The following CADM2 variants were observed in gnomAD, a reference collection of about 807,000 sequenced individuals.
CADM2 encodes immunoglobulin superfamily member 4D.
A neutral mutation model predicts 49.8 loss-of-function variants in CADM2; 12 were observed. The observed-to-expected ratio is 0.24, with a 90% CI of 0.15 to 0.39. CADM2 has a LOEUF of 0.39. Ranked by LOEUF, CADM2 falls within the 10% of genes least tolerant of loss-of-function variation. The pLI, the probability that CADM2 is intolerant of heterozygous loss-of-function variation, is 1.00. For missense variants in CADM2, 378 were observed against 492.3 expected, an observed-to-expected ratio of 0.77 and a Z score of 2.20; for synonymous variants, 214 against 175.4, an observed-to-expected ratio of 1.22 and a Z score of -1.74.
At chr3:85,872,609 A>G (rs1452078746) in intron 3 of CADM2, among the ~76,000 whole-genome samples, 1 of 151,298 alleles carries the variant, frequency 6.6e-6, no homozygotes, top group Non-Finnish European at 1.5e-5. Context: ...TTTTTGTCCT[A>G]TTCCATCTTA....
chr3:85,057,306 A>ATT (rs147631348), intron 1 of CADM2, among the ~76,000 whole-genome samples: 13 of 150,670 alleles, frequency 8.6e-5, no homozygotes, highest in African/African-American at 3.2e-4. Context: ...CATTTTCAGA[A>ATT]TTTTTTTTTT....
At chr3:85,462,958 A>T (rs993419794) in intron 1 of CADM2, among the ~76,000 whole-genome samples, 1 of 152,104 alleles carries the variant, frequency 6.6e-6, no homozygotes, top group African/African-American at 2.4e-5. Flanking sequence ...CTCTCCTGTG[A>T]CCTGGAAAAC....
intron 1 of CADM2, among the ~76,000 whole-genome samples, chr3:85,487,773 CGTGT>C (rs540245421): frequency 1.3e-5 from 2 of 150,870 alleles, no homozygotes; most frequent in Admixed American, 6.6e-5. Flanking sequence ...TGTGTGCGTG[CGTGT>C]GTGTGTGATG....
At chr3:85,752,356 G>A (rs1378957048) in intron 2 of CADM2, among the ~76,000 whole-genome samples, 1 of 152,036 alleles carries the variant, frequency 6.6e-6, no homozygotes, top group Non-Finnish European at 1.5e-5. Flanking sequence ...GATCAGGGGT[G>A]TGTGGTGTAG....
At position 85,955,203 on chromosome 3, in the gene CADM2, C is replaced by CT. The variant is rs544685669; in HGVS notation, c.792-6258dup. Among the ~76,000 whole-genome samples, 82 of 151,048 alleles carry CT rather than the reference C, an allele frequency of 5.4e-4. 1 individual carries two copies. Among genetic ancestry groups the CT allele is most frequent in the Admixed American group, 4.5e-3 (68 of 15,086 alleles). On this transcript the variant is annotated intron_variant, in intron 7 of 9. Transcript: ENST00000383699. Reference sequence around the variant, plus strand: ...CATTTTTTTCAAATAGGAAAGGTGACTTTTTTTTCATCTAGGAAAAGTAAG... The same window carrying CT: ...CATTTTTTTCAAATAGGAAAGGTGACTTTTTTTTTCATCTAGGAAAAGTAAG...
intron 8 of CADM2, among the ~76,000 whole-genome samples, chr3:86,002,961 A>G (rs1730364242): frequency 6.6e-6 from 1 of 152,296 alleles, no homozygotes; most frequent in South Asian, 2.1e-4. Context: ...AAGCAATGCT[A>G]TGTATTATTT....
chr3:85,764,567 CA>C (rs2069558923), intron 2 of CADM2, among the ~76,000 whole-genome samples: 1 of 151,946 alleles, frequency 6.6e-6, no homozygotes, highest in Non-Finnish European at 1.5e-5. Flanking sequence ...GTTATATAAC[CA>C]AACCTAAAAT....
chr3:85,334,620 C>T (rs2045027067), intron 1 of CADM2, among the ~76,000 whole-genome samples: 1 of 151,408 alleles, frequency 6.6e-6, no homozygotes, highest in South Asian at 2.1e-4. Context: ...CAAAATTTGC[C>T]TAAAACTTAG....
Position 85,531,861 on chromosome 3 carries a change from A to G in CADM2, c.62-194661A>G, listed in dbSNP as rs370689427. 5.3e-5 allele frequency among the ~76,000 whole-genome samples: 8 copies of G among 152,312 alleles called. No individual in the cohort carries two copies. The East Asian group carries it at 7.7e-4, about 15-fold the overall frequency. On this transcript the variant is annotated intron_variant, in intron 1 of 9. Transcript: ENST00000383699. ...CCCATTTCAATGTTTTTTAAATGGTACATGGTTATGTTTTAATATTTAACA... is the reference window on the plus strand; with the variant it reads ...CCCATTTCAATGTTTTTTAAATGGTGCATGGTTATGTTTTAATATTTAACA...
chr3:85,050,937 T>C (rs1442022444), intron 1 of CADM2, among the ~76,000 whole-genome samples: 1 of 152,158 alleles, frequency 6.6e-6, no homozygotes, highest in Non-Finnish European at 1.5e-5. Flanking sequence ...TACTCCTTTC[T>C]TGTGTCAGTT....
At chr3:84,999,551 G>A (rs556143827) in intron 1 of CADM2, among the ~76,000 whole-genome samples, 1 of 152,190 alleles carries the variant, frequency 6.6e-6, no homozygotes, top group East Asian at 1.9e-4. Flanking sequence ...TCTGCATAGA[G>A]CACAAAAAAT....
chr3:85,174,317 T>C (rs1342661741), intron 1 of CADM2, among the ~76,000 whole-genome samples: 1 of 152,148 alleles, frequency 6.6e-6, no homozygotes. Context: ...GTAGTTTAAA[T>C]TGTCAGGTTT....
chr3:85,981,772 T>C (rs553256003), intron 8 of CADM2, among the ~76,000 whole-genome samples: 1 of 151,896 alleles, frequency 6.6e-6, no homozygotes, highest in South Asian at 2.1e-4. Flanking sequence ...GGCATCTAGG[T>C]TGATTCCATG....
intron 1 of CADM2, among the ~76,000 whole-genome samples, chr3:85,134,811 G>T (rs1368099232): frequency 1.1e-4 from 16 of 151,900 alleles, no homozygotes; most frequent in African/African-American, 3.9e-4. Flanking sequence ...TTTAATTATT[G>T]AGAGATTTTA....
At chr3:85,768,871 T>C (rs985378477) in intron 2 of CADM2, among the ~76,000 whole-genome samples, 5 of 10 alleles carry the variant, frequency 0.5, no homozygotes, top group African/African-American at 0.5. Context: ...ATATATAGTA[T>C]ATATACACAT....
rs112942262 is a variant in CADM2, at chr3:85,212,993, G to A, written c.61+253325G>A. 7.6e-3 allele frequency among the ~76,000 whole-genome samples: 1,152 copies of A among 151,560 alleles called. 19 individuals are homozygous for A. The highest frequency in any genetic ancestry group is 0.027 in the African/African-American group (1,116 of 41,326). On this transcript the variant is annotated intron_variant, in intron 1 of 9. Transcript: ENST00000383699. ...CCTCCTGGGTTCAAGGGCTTCTCCT[G>A]TCTCAGAGACTCCCTAGTAGCTGAG...
intron 1 of CADM2, among the ~76,000 whole-genome samples, chr3:85,021,342 G>A (rs1346975540): frequency 6.6e-6 from 1 of 152,160 alleles, no homozygotes; most frequent in African/African-American, 2.4e-5. Flanking sequence ...AAAAGTTAGT[G>A]TAGGTGATTT....
rs376841829 is a variant in CADM2 at position 85,846,866 on chromosome 3, T to C, written c.239-36425T>C. On this transcript the variant is annotated intron_variant, in intron 3 of 9. Transcript: ENST00000383699. ...GACAGAGTAAGATACCATGTCTAAA[T>C]AAATAAATTAAAATATAAGATTTTG... Among the ~76,000 whole-genome samples the C allele has an allele frequency of 1.3e-5, 2 of 152,108 alleles. 1 individual carries two copies. The highest frequency in any genetic ancestry group is 3.9e-4 in the East Asian group (2 of 5,182).
intron 1 of CADM2, among the ~76,000 whole-genome samples, chr3:85,305,326 A>T (rs1179436495): frequency 1.3e-5 from 2 of 151,622 alleles, no homozygotes; most frequent in African/African-American, 2.4e-5. Context: ...AGGGAAAAAA[A>T]TCCACATTAC....
Sources: allele counts gnomAD v4.1 joint callset (sites outside exome capture counted in the v4.1 genomes callset), GRCh38; gene constraint gnomAD v4.1.1; transcripts MANE v1.5; gene names NCBI Gene and HGNC (gene_info 2026-07-23, HGNC 2026-07-21).